Variants in SLC5A12 observed in about 807,000 individuals in gnomAD.
The protein encoded by SLC5A12 is solute carrier family 5 member 12.
Under a neutral mutation model 72.7 loss-of-function variants are expected in SLC5A12, and 46 were observed. That is an observed-to-expected ratio of 0.63 (90% CI 0.50 to 0.81). The LOEUF (loss-of-function observed/expected upper bound fraction) is 0.81, where lower values mean the gene tolerates loss of function less well. Ranked by LOEUF, SLC5A12 falls within the 30% of genes least tolerant of loss-of-function variation. The pLI is 0.00. For missense variants in SLC5A12, 683 were observed against 740.7 expected (o/e 0.92, Z 0.90); for synonymous variants, 275 against 264.4 (o/e 1.04, Z -0.39).
chr11:26,722,495 G>A (rs866497779), upstream of SLC5A12, among the ~76,000 whole-genome samples: 4 of 152,136 alleles, frequency 2.6e-5, no homozygotes, highest in Non-Finnish European at 5.9e-5. Flanking sequence ...GTAATAATAT[G>A]TACCCCATTG....
chr11:26,698,456 A>G lies in SLC5A12; in HGVS notation c.901T>C (p.Phe301Leu), dbSNP rs1240575218. The G allele has an allele frequency of 6.2e-7, 1 of 1,614,068 alleles. No homozygotes were observed. Among genetic ancestry groups the G allele is most frequent in the Non-Finnish European group, 8.5e-7 (1 of 1,179,966 alleles). ...GAAGTCCAAGGGTCACAGTCTTTAAAGTGAGAGTACATGATTAAGCCAGAG... is the reference window on the plus strand; with the variant it reads ...GAAGTCCAAGGGTCACAGTCTTTAAGGTGAGAGTACATGATTAAGCCAGAG... ...VFSGLIMYSH[F>L]KDCDPWTSGI... is the part of the protein sequence containing the mutation. The change falls in exon 7 of 15, where the codon TTT (phenylalanine) becomes CTT (leucine). Residue 301 changes from phenylalanine (F) to leucine (L), a missense_variant. By Grantham distance (22) the Phe-to-Leu change is conservative. Transcript: ENST00000396005.
At chr11:26,689,132 A>G (rs1233584575) in intron 9 of SLC5A12, among the ~76,000 whole-genome samples, 3 of 150,420 alleles carry the variant, frequency 2.0e-5, no homozygotes, top group Non-Finnish European at 4.4e-5. Context: ...GCGGTGGCTC[A>G]TGCCTGTAAT....
In SLC5A12 at chr11:26,721,681, C is replaced by T. The variant is rs1414850583; in HGVS notation, c.34G>A (p.Val12Ile). The T allele has an allele frequency of 1.2e-6, 2 of 1,613,864 alleles. No individual in the cohort carries two copies. The highest frequency in any genetic ancestry group is 2.7e-5 in the African/African-American group (2 of 74,878). Residue 12 changes from valine to isoleucine, a missense_variant, in exon 1 of 15, where the codon GTT becomes ATT. Val to Ile is a conservative substitution (Grantham distance 29, BLOSUM62 3). Transcript: ENST00000396005. ...ATGAAAAAGAGGGCTGCAAATACAA[C>T]ATAATCCCAAACTGCAAAGTTCTTC... The part of the protein sequence containing the change: ...EVKNFAVWDY[V>I]VFAALFFISS...
intron 9 of SLC5A12, chr11:26,691,517 T>A (rs1168515919): frequency 6.6e-6 from 1 of 151,898 alleles, no homozygotes; most frequent in African/African-American, 2.4e-5. Context: ...AAAGTAACAA[T>A]AACATAAAAT....
chr11:26,721,554 C>A lies in SLC5A12; in HGVS notation c.161G>T (p.Gly54Val), dbSNP rs759032355. ...CATGAAGCTGGCTGTCAGAGACAAGCCGACAGGGCCAAAGCTCATTTGCCT... is the reference window on the plus strand; with the variant it reads ...CATGAAGCTGGCTGTCAGAGACAAGACGACAGGGCCAAAGCTCATTTGCCT... ...GGRQMSFGPV[G>V]LSLTASFMSA... The change falls in exon 1 of 15, where the codon GGC becomes GTC. Residue 54 changes from glycine (G) to valine (V), a missense_variant. Coordinates refer to ENST00000396005, the MANE Select transcript of SLC5A12 (RefSeq NM_178498.4). 6.2e-7 allele frequency: 1 copy of A among 1,614,140 alleles called. No homozygotes were observed. The highest frequency in any genetic ancestry group is 1.1e-5 in the South Asian group (1 of 91,078).
At chr11:26,689,669 T>A (rs574110266) in intron 9 of SLC5A12, among the ~76,000 whole-genome samples, 1 of 152,190 alleles carries the variant, frequency 6.6e-6, no homozygotes, top group East Asian at 1.9e-4. Context: ...AGGTGAATTT[T>A]TTTTTACATT....
Position 26,697,188 on chromosome 11 carries a change from G to A in SLC5A12, c.1016C>T (p.Ala339Val). 6.2e-7 allele frequency: 1 copy of A among 1,613,760 alleles called. No individual in the cohort carries two copies. The highest frequency in any genetic ancestry group is 8.5e-7 in the Non-Finnish European group (1 of 1,179,876). Residue 339 changes from alanine (A) to valine (V), a missense_variant, in exon 8 of 15, where the codon GCT becomes GTT. Coordinates refer to ENST00000396005, the MANE Select transcript of SLC5A12 (RefSeq NM_178498.4). ...TMPGLPGLFV[A>V]CAFSGTLSTV... ...CCTCAGAGTTCCACTGAAGGCACAA[G>A]CCACAAAAAGTCCTGGCAGTCCTGG...
chr11:26,721,345 A>T (rs1855474498), intron 1 of SLC5A12, 31 bp downstream of exon 1: 1 of 1,537,474 alleles, frequency 6.5e-7, no homozygotes, highest in Non-Finnish European at 8.8e-7. Flanking sequence ...TGAGAAAAAA[A>T]AATTAGAGAA....
intron 11 of SLC5A12, 93 bp downstream of exon 11, chr11:26,683,664 C>T (rs1854458870): frequency 9.8e-7 from 1 of 1,019,348 alleles, no homozygotes; most frequent in Non-Finnish European, 1.5e-6. Flanking sequence ...CTGGCTAAGA[C>T]AGATAGCTTT....
Position 26,712,644 on chromosome 11 carries a change from C to G in SLC5A12, c.402G>C (p.Gln134His). 6.5e-7 allele frequency: 1 copy of G among 1,549,968 alleles called. No individual in the cohort carries two copies. Among genetic ancestry groups the G allele is most frequent in the Non-Finnish European group, 8.8e-7 (1 of 1,135,128 alleles). Reference protein sequence around the residue: ...RYAATVIYIVQTILYTGVVVY... With the variant: ...RYAATVIYIVHTILYTGVVVY... ...TGCAGCAGCCATGACCACTTACCGTCTGTACAATGTAGATGACCGTGGCAG... is the reference window on the plus strand; with the variant it reads ...TGCAGCAGCCATGACCACTTACCGTGTGTACAATGTAGATGACCGTGGCAG... Residue 134 changes from glutamine (Q) to histidine (H), a missense_variant, in exon 2 of 15, where the codon CAG becomes CAC. By Grantham distance (24) the Gln-to-His change is conservative. Transcript: ENST00000396005.
At chr11:26,690,258 A>G (rs1257824516) in intron 9 of SLC5A12, among the ~76,000 whole-genome samples, 1 of 152,158 alleles carries the variant, frequency 6.6e-6, no homozygotes, top group Non-Finnish European at 1.5e-5. Flanking sequence ...ATTTTTTTGT[A>G]AAAATTATAA....
intron 13 of SLC5A12, among the ~76,000 whole-genome samples, chr11:26,678,468 C>G (rs746612088): frequency 3.9e-5 from 6 of 152,044 alleles, no homozygotes; most frequent in Admixed American, 6.6e-5. Context: ...CAACCTCCAC[C>G]TTCTGGGTTC....
In SLC5A12 at chr11:26,669,181, T is replaced by A. The variant is rs1214105167; in HGVS notation, c.*1921A>T. ...TCTTCCTGTCTTTTTCTTTCTTTCT[T>A]TCTTCTTTTCTTTCTTTCTTTCTTT... On this transcript the variant is annotated 3_prime_UTR_variant, in exon 15 of 15. Coordinates refer to ENST00000396005, the MANE Select transcript of SLC5A12 (RefSeq NM_178498.4). 4 of 127,466 alleles carry A rather than the reference T, an allele frequency of 3.1e-5. No homozygotes were observed. Among genetic ancestry groups the A allele is most frequent in the Admixed American group, 2.4e-4 (3 of 12,402 alleles). The allele number at this position is 127,466 out of a possible 1,614,324, so 7.9% of individuals were successfully genotyped here. A position where few individuals can be genotyped will look rare whatever the true frequency, so the allele number is the denominator to read the frequency against.
intron 14 of SLC5A12, 139 bp downstream of exon 14, chr11:26,673,263 A>C: frequency 1.0e-6 from 1 of 969,306 alleles, no homozygotes; most frequent in Non-Finnish European, 1.4e-6. Flanking sequence ...ATAACTCTGA[A>C]GCTGAAACTC....
chr11:26,690,003 G>A (rs1854627904), intron 9 of SLC5A12, among the ~76,000 whole-genome samples: 1 of 152,096 alleles, frequency 6.6e-6, no homozygotes. Context: ...GGAAGGAAGA[G>A]GAGTTGAAAG....
At chr11:26,712,735 C>T in intron 1 of SLC5A12, 29 bp from the exon 2 acceptor site, 1 of 1,546,632 alleles carries the variant, frequency 6.5e-7, no homozygotes, top group Non-Finnish European at 8.9e-7. Context: ...CATGCAGAGT[C>T]AGTGAGGTTT....
intron 13 of SLC5A12, among the ~76,000 whole-genome samples, chr11:26,676,905 C>T (rs1391021835): frequency 1.3e-5 from 2 of 151,996 alleles, no homozygotes; most frequent in Admixed American, 6.6e-5. Context: ...TAATTGAAGA[C>T]ATCACCTATT....
chr11:26,712,323 CAAAAAA>C (rs549368198), intron 2 of SLC5A12, among the ~76,000 whole-genome samples: 4 of 151,638 alleles, frequency 2.6e-5, no homozygotes, highest in Admixed American at 1.3e-4. Context: ...AAAACAAAAA[CAAAAAA>C]AGCAAAACCT....
At chr11:26,686,205 C>T (rs1854528943) in intron 10 of SLC5A12, among the ~76,000 whole-genome samples, 1 of 152,088 alleles carries the variant, frequency 6.6e-6, no homozygotes, top group South Asian at 2.1e-4. Context: ...CTAATTTTAT[C>T]TCACTATCCC....
Sources: allele counts gnomAD v4.1 joint callset (sites outside exome capture counted in the v4.1 genomes callset), GRCh38; gene constraint gnomAD v4.1.1; transcripts MANE v1.5; gene names NCBI Gene and HGNC (gene_info 2026-07-23, HGNC 2026-07-21).